The following TSGA10 variants were observed in gnomAD, a reference collection of about 807,000 sequenced individuals.
TSGA10 encodes testis specific 10.
TSGA10 carries 43 observed loss-of-function variants against 96.6 expected under a neutral mutation model. That is an observed-to-expected ratio of 0.44 (90% CI 0.35 to 0.57). TSGA10 has a LOEUF of 0.57. Among genes scored for constraint, TSGA10 ranks in the 20% least tolerant of loss-of-function variants. The probability of loss-of-function intolerance (pLI) is 0.01; values close to 1 mark genes in which losing one functional copy is unlikely to be tolerated. For synonymous variants in TSGA10, 229 were observed against 269.9 expected (o/e 0.85, Z 1.48); for missense variants, 703 against 834.4 (o/e 0.84, Z 1.94).
chr2:99,046,630 A>G (rs899233457), intron 16 of TSGA10, among the ~76,000 whole-genome samples: 5 of 152,248 alleles, frequency 3.3e-5, no homozygotes, highest in Non-Finnish European at 7.3e-5. Context: ...AGAAAGATCT[A>G]AAATTGACAA....
At chr2:98,999,776 T>A (rs2077728289) in intron 20 of TSGA10, among the ~76,000 whole-genome samples, 1 of 152,212 alleles carries the variant, frequency 6.6e-6, no homozygotes, top group Non-Finnish European at 1.5e-5. Context: ...TGAGACAGGG[T>A]CTCATTCTGT....
At chr2:99,142,645 G>A (rs2093581401) in intron 1 of TSGA10, among the ~76,000 whole-genome samples, 1 of 152,098 alleles carries the variant, frequency 6.6e-6, no homozygotes, top group African/African-American at 2.4e-5. Context: ...AGAGGTTAGA[G>A]GACACAAGGA....
intron 10 of TSGA10, among the ~76,000 whole-genome samples, chr2:99,101,568 TAAAAAAG>T (rs1452043253): frequency 6.6e-6 from 1 of 150,390 alleles, no homozygotes; most frequent in Non-Finnish European, 1.5e-5. Flanking sequence ...ACCCAGAGGA[TAAAAAAG>T]AAAAAAGAGT....
At chr2:99,010,308 C>T (rs2078896766) in intron 20 of TSGA10, among the ~76,000 whole-genome samples, 1 of 152,168 alleles carries the variant, frequency 6.6e-6, no homozygotes, top group Admixed American at 6.5e-5. Flanking sequence ...TCTTTTGCTC[C>T]AAGATTCACT....
chr2:99,109,432 C>T lies in TSGA10; in HGVS notation c.8G>A (p.Arg3Gln), dbSNP rs201271167. 4.7e-5 allele frequency: 76 copies of T among 1,613,800 alleles called. No individual in the cohort carries two copies. The highest frequency in any genetic ancestry group is 6.7e-5 in the East Asian group (3 of 44,868). MM[R>Q]SRSKSPRRPS... Reference sequence around the variant, plus strand: ...GCGTCTTGGACTTTTAGACCTACTTCGCATCATCTTTCTCAAATGTTGAGC... The same window carrying T: ...GCGTCTTGGACTTTTAGACCTACTTTGCATCATCTTTCTCAAATGTTGAGC... Residue 3 changes from arginine (R) to glutamine (Q), a missense_variant, in exon 6 of 21, where the codon CGA becomes CAA. Physicochemically the swap from Arg to Gln is conservative, Grantham distance 43 (BLOSUM62 1). Around this residue, in one of 3 missense-constraint regions of TSGA10, gnomAD observed 585 missense variants for 656.8 expected, o/e 0.89. Coordinates refer to ENST00000393483, the MANE Select transcript of TSGA10 (RefSeq NM_025244.4).
intron 20 of TSGA10, among the ~76,000 whole-genome samples, chr2:99,000,192 T>G (rs149159893): frequency 0.027 from 4,075 of 151,404 alleles, 197 homozygotes; most frequent in East Asian, 0.21. Context: ...GTCAACATGG[T>G]GAAACCCTGT....
chr2:99,006,024 C>T (rs914056562), intron 20 of TSGA10, among the ~76,000 whole-genome samples: 3 of 151,712 alleles, frequency 2.0e-5, no homozygotes, highest in Admixed American at 2.0e-4. Flanking sequence ...ACAAACCTGA[C>T]AAAAACAAGA....
At chr2:99,087,195 C>T (rs1367808753) in intron 10 of TSGA10, among the ~76,000 whole-genome samples, 3 of 149,462 alleles carry the variant, frequency 2.0e-5, no homozygotes, top group African/African-American at 5.0e-5. Flanking sequence ...CAGTGCAACA[C>T]TCCGTCTCAA....
intron 17 of TSGA10, among the ~76,000 whole-genome samples, chr2:99,025,459 A>G (rs554350826): frequency 6.6e-6 from 1 of 152,242 alleles, no homozygotes; most frequent in African/African-American, 2.4e-5. Flanking sequence ...TAAGGTTAGT[A>G]GTGATGTCCC....
At position 99,110,858 on chromosome 2, in the gene TSGA10, G is replaced by A. The variant is rs941684329; in HGVS notation, c.-82C>T. ...ATGAAAAATGTACTTACAGATTTAAGCCTTTTTATTGTATCTTCCAATACT... is the reference window on the plus strand; with the variant it reads ...ATGAAAAATGTACTTACAGATTTAAACCTTTTTATTGTATCTTCCAATACT... On this transcript the variant is annotated 5_prime_UTR_variant, in exon 5 of 21. Coordinates refer to ENST00000393483, the MANE Select transcript of TSGA10 (RefSeq NM_025244.4). 2 of 730,822 alleles carry A rather than the reference G, an allele frequency of 2.7e-6. No individual in the cohort carries two copies. The highest frequency in any genetic ancestry group is 2.6e-4 in the East Asian group (2 of 7,682). 45.3% of individuals were successfully genotyped at this position (730,822 alleles called of 1,614,324 possible).
rs2091261807 is a variant in TSGA10, at chr2:99,105,596, T to C, written c.312A>G (p.Glu104=). ...AHAILRRVET[E]RDVAFTDLRR... ...GTAAATCAGTAAAGGCTACATCTCT[T>C]TCAGTCTCCACTCGCCGGAGAATAG... Residue 104 remains glutamate, a synonymous_variant, in exon 8 of 21, where the codon GAA becomes GAG. Coordinates refer to ENST00000393483, the MANE Select transcript of TSGA10 (RefSeq NM_025244.4). 7 of 1,611,386 alleles carry C rather than the reference T, an allele frequency of 4.3e-6. No homozygotes were observed. The highest frequency in any genetic ancestry group is 5.9e-6 in the Non-Finnish European group (7 of 1,177,628).
At chr2:99,113,857 T>C (rs565813696) in intron 4 of TSGA10, among the ~76,000 whole-genome samples, 1 of 152,208 alleles carries the variant, frequency 6.6e-6, no homozygotes, top group East Asian at 1.9e-4. Flanking sequence ...ATCATCTTGA[T>C]AACAATTTCC....
chr2:99,147,523 T>A (rs966901414), intron 1 of TSGA10: 1 of 1,600,354 alleles, frequency 6.2e-7, no homozygotes. Context: ...GTCTACCCTA[T>A]TATACTTGGT....
chr2:99,134,947 C>A (rs756592412), intron 1 of TSGA10, among the ~76,000 whole-genome samples: 1 of 152,188 alleles, frequency 6.6e-6, no homozygotes, highest in Admixed American at 6.5e-5. Context: ...AAGATTGCTG[C>A]CTGTTTCTTC....
At chr2:99,005,886 CA>C (rs1158670389) in intron 20 of TSGA10, among the ~76,000 whole-genome samples, 1 of 152,186 alleles carries the variant, frequency 6.6e-6, no homozygotes. Flanking sequence ...TACCTGACTT[CA>C]AACTATACTA....
At chr2:99,153,498 A>C (rs1240817983) in intron 1 of TSGA10, among the ~76,000 whole-genome samples, 1 of 152,210 alleles carries the variant, frequency 6.6e-6, no homozygotes, top group Non-Finnish European at 1.5e-5. Flanking sequence ...AGAATAACCA[A>C]GGGACAGAAG....
At chr2:99,141,534 C>T (rs999825360) in intron 1 of TSGA10, 2 of 154,010 alleles carry the variant, frequency 1.3e-5, no homozygotes, top group African/African-American at 2.4e-5. Flanking sequence ...CTAGGAGGGA[C>T]CCCTTCCTGG....
At position 99,081,269 on chromosome 2, in the gene TSGA10, G is replaced by A; in HGVS notation, c.727+13C>T. On this transcript the variant is annotated intron_variant, in intron 11 of 20. Transcript: ENST00000393483. Reference sequence around the variant, plus strand: ...AGAAAAACTAAAAGTAATATTAAGAGAAAAAAACTCACCAATTTTTTCATC... The same window carrying A: ...AGAAAAACTAAAAGTAATATTAAGAAAAAAAAACTCACCAATTTTTTCATC... 6.9e-7 allele frequency: 1 copy of A among 1,443,874 alleles called. No homozygotes were observed. Among genetic ancestry groups the A allele is most frequent in the Non-Finnish European group, 9.5e-7 (1 of 1,055,480 alleles). The allele number at this position is 1,443,874 out of a possible 1,614,324, so 89.4% of individuals were successfully genotyped here. A position where few individuals can be genotyped will look rare whatever the true frequency, so the allele number is the denominator to read the frequency against.
chr2:99,056,610 C>T (rs577970726), intron 16 of TSGA10, among the ~76,000 whole-genome samples: 1 of 152,150 alleles, frequency 6.6e-6, no homozygotes, highest in Non-Finnish European at 1.5e-5. Flanking sequence ...TAAAACTTCT[C>T]TACCAGATGG....
Sources: gnomAD v4.1 joint callset for allele counts (sites outside exome capture counted in the v4.1 genomes callset) on GRCh38, gnomAD v4.1.1 for gene constraint, gnomAD v4.1.1 regional missense constraint, MANE v1.5 for transcripts, NCBI Gene and HGNC (gene_info 2026-07-23, HGNC 2026-07-21) for gene names.